The following CPT1A variants were observed in gnomAD, a reference collection of about 807,000 sequenced individuals.
CPT1A encodes carnitine O-palmitoyltransferase 1, liver isoform.
Under a neutral mutation model 100.8 loss-of-function variants are expected in CPT1A, and 64 were observed. That is an observed-to-expected ratio of 0.63 (90% CI 0.52 to 0.78). The LOEUF (loss-of-function observed/expected upper bound fraction) is 0.78. Ranked by LOEUF, CPT1A falls within the 30% of genes least tolerant of loss-of-function variation. The pLI, the probability that CPT1A is intolerant of heterozygous loss-of-function variation, is 0.00. For missense variants in CPT1A, 802 were observed against 1,034.1 expected, an observed-to-expected ratio of 0.78 and a Z score of 3.08; for synonymous variants, 363 against 396.0, an observed-to-expected ratio of 0.92 and a Z score of 0.99.
At chr11:68,797,050 G>T in intron 6 of CPT1A, 117 bp from the exon 7 acceptor site, 1 of 902,524 alleles carries the variant, frequency 1.1e-6, no homozygotes, top group Non-Finnish European at 1.8e-6. Context: ...ACATTTCGGC[G>T]TCTAACAGGG....
intron 12 of CPT1A, among the ~76,000 whole-genome samples, chr11:68,777,995 G>A (rs1042826619): frequency 6.6e-6 from 1 of 152,158 alleles, no homozygotes; most frequent in East Asian, 1.9e-4. Context: ...AACCCTGGTG[G>A]TGGTGAAAAG....
chr11:68,838,576 A>AC (rs1857074397), intron 1 of CPT1A, among the ~76,000 whole-genome samples: 8 of 143,426 alleles, frequency 5.6e-5, no homozygotes, highest in African/African-American at 2.1e-4. Context: ...CCTTTTTAAA[A>AC]AAAAAAAAAA....
At chr11:68,844,040 C>T (rs977704344), upstream of CPT1A, 2 of 152,328 alleles carry the variant, frequency 1.3e-5, no homozygotes, top group Non-Finnish European at 2.9e-5. Context: ...GCTCTTCGGC[C>T]TTGACCGTGC....
Position 68,798,175 on chromosome 11 carries a change from C to T in CPT1A, c.693+1043G>A, listed in dbSNP as rs1172785164. Among the ~76,000 whole-genome samples the T allele has an allele frequency of 2.0e-5, 3 of 152,284 alleles. No homozygotes were observed. In the East Asian group the frequency reaches 5.8e-4, roughly 29 times the overall value. On this transcript the variant is annotated intron_variant, in intron 6 of 18. Transcript: ENST00000265641. ...GAGGCAGTGCCCCCCAACCACCTCA[C>T]AGCTGCTGTCCCTTCACAGCCTGCT...
rs1212251769 is a variant in CPT1A at position 68,754,993 on chromosome 11, G to A, written c.*2651C>T. ...TATTTACATGCACCGGTCAGCCCAA[G>A]ATAACAAATTCAAACCATGGCTGCG... is the stretch of plus-strand genomic sequence containing the variant. On this transcript the variant is annotated 3_prime_UTR_variant, in exon 19 of 19. Transcript: ENST00000265641. The A allele has an allele frequency of 3.1e-6, 2 of 636,534 alleles. No individual in the cohort carries two copies. Among genetic ancestry groups the A allele is most frequent in the Non-Finnish European group, 5.8e-6 (2 of 345,108 alleles). 39.4% of individuals were successfully genotyped at this position (636,534 alleles called of 1,614,324 possible).
chr11:68,794,442 C>G (rs1279088403), intron 8 of CPT1A, among the ~76,000 whole-genome samples: 1 of 151,984 alleles, frequency 6.6e-6, no homozygotes, highest in Non-Finnish European at 1.5e-5. Flanking sequence ...TGGAGTTTTG[C>G]TCTTATAACC....
At chr11:68,759,802 C>CCCA in intron 17 of CPT1A, 141 bp from the exon 18 acceptor site, 1 of 714,000 alleles carries the variant, frequency 1.4e-6, no homozygotes, top group Non-Finnish European at 2.6e-6. Context: ...CTGAGGCAGG[C>CCCA]GGGTCACTTG....
intron 14 of CPT1A, among the ~76,000 whole-genome samples, chr11:68,765,903 ACT>A (rs1469604438): frequency 6.6e-6 from 1 of 150,692 alleles, no homozygotes; most frequent in Non-Finnish European, 1.5e-5. Flanking sequence ...AGACAGTCTC[ACT>A]CTGTCGCCCA....
intron 7 of CPT1A, among the ~76,000 whole-genome samples, chr11:68,796,536 A>C (rs1405769982): frequency 6.6e-6 from 1 of 152,182 alleles, no homozygotes; most frequent in Admixed American, 6.5e-5. Context: ...AGCCTGGGGG[A>C]CAAGAGCAAA....
At chr11:68,762,843 AAGG>A (rs1854670303) in intron 14 of CPT1A, 82 bp from the exon 15 acceptor site, 1 of 1,578,064 alleles carries the variant, frequency 6.3e-7, no homozygotes, top group Non-Finnish European at 8.7e-7. Flanking sequence ...TAAGATTGGC[AAGG>A]AGACGTGGAC....
chr11:68,835,893 C>T (rs1000752589), intron 1 of CPT1A, among the ~76,000 whole-genome samples: 10 of 152,194 alleles, frequency 6.6e-5, no homozygotes, highest in Non-Finnish European at 1.0e-4. Flanking sequence ...TTACCTCCTC[C>T]GGCAAACTGC....
At chr11:68,799,723 C>T (rs1855853593) in intron 5 of CPT1A, among the ~76,000 whole-genome samples, 1 of 151,582 alleles carries the variant, frequency 6.6e-6, no homozygotes, top group Non-Finnish European at 1.5e-5. Context: ...GCCACTGCAA[C>T]CCAGCCTGGG....
chr11:68,838,301 G>A (rs1857061842), intron 1 of CPT1A, among the ~76,000 whole-genome samples: 1 of 151,976 alleles, frequency 6.6e-6, no homozygotes, highest in African/African-American at 2.4e-5. Flanking sequence ...TTCTGAGGCC[G>A]TCAAGATACC....
intron 1 of CPT1A, among the ~76,000 whole-genome samples, chr11:68,826,578 C>CA (rs895233713): frequency 3.2e-4 from 46 of 144,164 alleles, no homozygotes; most frequent in Admixed American, 1.5e-3. Context: ...ACTAAAAATA[C>CA]AAAAAAAAAA....
intron 1 of CPT1A, among the ~76,000 whole-genome samples, chr11:68,828,409 C>CCA (rs398097598): frequency 1.6e-4 from 25 of 152,100 alleles, no homozygotes; most frequent in East Asian, 5.8e-4. Context: ...CAGGGCCCCC[C>CCA]ACCTCCCACC....
intron 1 of CPT1A, among the ~76,000 whole-genome samples, chr11:68,840,693 T>G (rs1285394702): frequency 6.6e-6 from 1 of 152,234 alleles, no homozygotes; most frequent in East Asian, 1.9e-4. Flanking sequence ...TTCTGCGGCT[T>G]TAACGAAAGC....
Position 68,773,308 on chromosome 11 carries a change from G to A in CPT1A, c.1697C>T (p.Pro566Leu). ...KGIIKKCRTS[P>L]DAFVQLALQL... Reference sequence around the variant, plus strand: ...GAGGGCCAGCTGCACAAAGGCGTCTGGGCTCGTGCGACATTTCTTGATGAT... The same window carrying A: ...GAGGGCCAGCTGCACAAAGGCGTCTAGGCTCGTGCGACATTTCTTGATGAT... Residue 566 changes from proline to leucine, a missense_variant, in exon 14 of 19, where the codon CCA (proline) becomes CTA (leucine). This residue lies in a region of CPT1A where 627 missense variants were observed against 799.3 expected (regional missense o/e 0.78). Transcript: ENST00000265641. 6.2e-7 allele frequency: 1 copy of A among 1,614,168 alleles called. No homozygotes were observed. The highest frequency in any genetic ancestry group is 1.1e-5 in the South Asian group (1 of 91,088).
Position 68,775,359 on chromosome 11 carries a change from T to C in CPT1A, c.1532A>G (p.Asn511Ser). The change falls in exon 13 of 19, where the codon AAC becomes AGC. Residue 511 changes from asparagine to serine, a missense_variant. Around this residue, in one of 4 missense-constraint regions of CPT1A, gnomAD observed 627 missense variants for 799.3 expected, o/e 0.78. Transcript: ENST00000265641. ...CTGCAGCCTGGTGGGGTACGGAATGTTCGGATTGATGTCGCCTTTGCAGTG... is the reference window on the plus strand; with the variant it reads ...CTGCAGCCTGGTGGGGTACGGAATGCTCGGATTGATGTCGCCTTTGCAGTG... ...DGHCKGDINP[N>S]IPYPTRLQWD... 6.2e-7 allele frequency: 1 copy of C among 1,614,224 alleles called. No homozygotes were observed. Among genetic ancestry groups the C allele is most frequent in the Middle Eastern group, 1.6e-4 (1 of 6,062 alleles).
intron 1 of CPT1A, among the ~76,000 whole-genome samples, chr11:68,824,373 C>G (rs551113848): frequency 6.6e-6 from 1 of 152,048 alleles, no homozygotes; most frequent in Non-Finnish European, 1.5e-5. Context: ...ACTCTCTTCC[C>G]TTTCATGGAG....
Sources: allele counts gnomAD v4.1 joint callset (sites outside exome capture counted in the v4.1 genomes callset), GRCh38; gene constraint gnomAD v4.1.1; regional missense constraint gnomAD v4.1.1; transcripts MANE v1.5; gene names NCBI Gene and HGNC (gene_info 2026-07-23, HGNC 2026-07-21).